GNAL: variants seen among roughly 807,000 people sequenced by gnomAD.
GNAL encodes G protein subunit alpha L.
Under a neutral mutation model 55.1 loss-of-function variants are expected in GNAL, and 18 were observed. The observed-to-expected ratio is 0.33, with a 90% CI of 0.23 to 0.48. The LOEUF is 0.48. GNAL is among the 20% of genes least tolerant of loss of function. GNAL has a pLI of 0.99. For synonymous variants in GNAL, 253 were observed against 237.0 expected (o/e 1.07, Z -0.62); for missense variants, 412 against 614.1 (o/e 0.67, Z 3.48).
chr18:11,857,159 G>A, intron 5 of GNAL: 1 of 152,082 alleles, frequency 6.6e-6, no homozygotes, highest in Non-Finnish European at 1.5e-5. Context: ...GAACACTTAA[G>A]ATCAGGACTG....
chr18:11,791,145 T>C (rs1163845904), intron 4 of GNAL, among the ~76,000 whole-genome samples: 2 of 152,234 alleles, frequency 1.3e-5, no homozygotes, highest in African/African-American at 4.8e-5. Flanking sequence ...TGGTTAAGCA[T>C]GTCCTTTCGG....
At chr18:11,807,458 C>T (rs1269045821) in intron 4 of GNAL, among the ~76,000 whole-genome samples, 6 of 152,196 alleles carry the variant, frequency 3.9e-5, no homozygotes, top group African/African-American at 1.4e-4. Context: ...TCTCAAGGTA[C>T]AGCCAAGAGT....
intron 4 of GNAL, among the ~76,000 whole-genome samples, chr18:11,797,735 G>A (rs976280731): frequency 1.4e-5 from 2 of 147,930 alleles, no homozygotes; most frequent in African/African-American, 4.9e-5. Flanking sequence ...CTCCCCTTTG[G>A]GTGACAGAGA....
chr18:11,789,842 TAGTGTC>T (rs1012056831), intron 4 of GNAL, among the ~76,000 whole-genome samples: 4 of 152,188 alleles, frequency 2.6e-5, no homozygotes, highest in Non-Finnish European at 4.4e-5. Context: ...GCCTTGTTGT[TAGTGTC>T]AGTGTAATAA....
intron 4 of GNAL, among the ~76,000 whole-genome samples, chr18:11,791,169 A>G (rs950073330): frequency 1.3e-5 from 2 of 152,190 alleles, no homozygotes; most frequent in African/African-American, 2.4e-5. Context: ...GGTGGTGGCC[A>G]TGGCTAAATG....
intron 1 of GNAL, among the ~76,000 whole-genome samples, chr18:11,718,280 T>C (rs1490639839): frequency 5.9e-5 from 9 of 152,200 alleles, no homozygotes; most frequent in Admixed American, 1.3e-4. Context: ...TTGTCATTCA[T>C]TTTTCAAGAA....
chr18:11,829,122 G>A (rs2068655125), intron 5 of GNAL, among the ~76,000 whole-genome samples: 2 of 152,204 alleles, frequency 1.3e-5, no homozygotes, highest in South Asian at 4.1e-4. Context: ...TTGTGAGCGA[G>A]GCCCCAGGGC....
At chr18:11,708,183 T>C (rs1015724544) in intron 1 of GNAL, among the ~76,000 whole-genome samples, 14 of 152,358 alleles carry the variant, frequency 9.2e-5, no homozygotes, top group African/African-American at 3.4e-4. Context: ...CTGTCTTGGC[T>C]TTTGACATGC....
chr18:11,812,909 T>A (rs1196978444), intron 4 of GNAL, among the ~76,000 whole-genome samples: 2 of 151,628 alleles, frequency 1.3e-5, no homozygotes, highest in Non-Finnish European at 2.9e-5. Flanking sequence ...TAACAGCAGA[T>A]GTAAAAAATC....
chr18:11,742,461 A>G (rs902754138), intron 1 of GNAL, among the ~76,000 whole-genome samples: 1 of 152,222 alleles, frequency 6.6e-6, no homozygotes, highest in African/African-American at 2.4e-5. Flanking sequence ...ATGCACTGAG[A>G]AGGACAGAGA....
chr18:11,781,254 A>G lies in GNAL; in HGVS notation c.624+27309A>G, dbSNP rs1301723619. ...TCCCCAATTCGTAAATAAAAATTGG[A>G]CTTAGAAACACCTAACCATTAAACT... On this transcript the variant is annotated intron_variant, in intron 4 of 11. Coordinates refer to ENST00000334049, the MANE Select transcript of GNAL (RefSeq NM_182978.4). Among the ~76,000 whole-genome samples, 6 of 152,346 alleles carry G rather than the reference A, an allele frequency of 3.9e-5. No individual in the cohort carries two copies. In the East Asian group the frequency reaches 9.6e-4, roughly 24 times the overall value.
At chr18:11,749,491 G>A (rs1434052180) in intron 1 of GNAL, among the ~76,000 whole-genome samples, 3 of 152,076 alleles carry the variant, frequency 2.0e-5, no homozygotes, top group Admixed American at 1.3e-4. Flanking sequence ...GTTATCTTTC[G>A]CTTTCATGAC....
chr18:11,879,894 CCT>C (rs35269219), intron 11 of GNAL, among the ~76,000 whole-genome samples: 20,833 of 152,226 alleles, frequency 0.14, 2,442 homozygotes, highest in African/African-American at 0.32. Context: ...CTAAACTGCC[CCT>C]GTGTGGAGGC....
rs918962032 is a variant in GNAL, at chr18:11,841,975, AT to A, written c.722+16974del. Among the ~76,000 whole-genome samples, 526 of 145,022 alleles carry A rather than the reference AT, an allele frequency of 3.6e-3. 3 individuals are homozygous for A. Among genetic ancestry groups the A allele is most frequent in the African/African-American group, 8.1e-3 (323 of 39,884 alleles). ...AAACATATGTTATATTTTAGTTCAGATTTTTTTTTTTTTTGAGACGGAGTTT... is the reference window on the plus strand; with the variant it reads ...AAACATATGTTATATTTTAGTTCAGATTTTTTTTTTTTTGAGACGGAGTTT... On this transcript the variant is annotated intron_variant, in intron 5 of 11. Coordinates refer to ENST00000334049, the MANE Select transcript of GNAL (RefSeq NM_182978.4).
intron 3 of GNAL, 25 bp downstream of exon 3, chr18:11,753,707 TTA>T (rs1316733262): frequency 1.3e-6 from 2 of 1,540,080 alleles, no homozygotes; most frequent in African/African-American, 2.7e-5. Context: ...AAATGATTGT[TTA>T]CTAGAAAGGT....
intron 4 of GNAL, among the ~76,000 whole-genome samples, chr18:11,820,779 C>G (rs917216503): frequency 6.6e-6 from 1 of 152,204 alleles, no homozygotes; most frequent in African/African-American, 2.4e-5. Context: ...TAGCTGTATG[C>G]TAGTCCAACA....
In GNAL at chr18:11,864,570, T is replaced by A; in HGVS notation, c.815T>A (p.Phe272Tyr). Residue 272 changes from phenylalanine (F) to tyrosine (Y), a missense_variant, in exon 7 of 12, where the codon TTT (phenylalanine) becomes TAT (tyrosine). By Grantham distance (22) the Phe-to-Tyr change is conservative. Around this residue, in one of 5 missense-constraint regions of GNAL, gnomAD observed 53 missense variants for 182.7 expected, o/e 0.29. Transcript: ENST00000334049. ...TGCAGAGTTCTGACATCTGGGATTT[T>A]TGAGACACGATTCCAAGTGGACAAA... ...LRCRVLTSGIFETRFQVDKVN... is the reference protein window; with the variant it reads ...LRCRVLTSGIYETRFQVDKVN... 1 of 1,593,088 alleles carries A rather than the reference T, an allele frequency of 6.3e-7. No individual in the cohort carries two copies. Among genetic ancestry groups the A allele is most frequent in the Non-Finnish European group, 8.6e-7 (1 of 1,160,862 alleles).
At chr18:11,805,309 A>G (rs1021979804) in intron 4 of GNAL, among the ~76,000 whole-genome samples, 4 of 152,146 alleles carry the variant, frequency 2.6e-5, no homozygotes, top group African/African-American at 9.7e-5. Context: ...TGAATGGAAC[A>G]TGGAGATACT....
intron 4 of GNAL, among the ~76,000 whole-genome samples, chr18:11,755,855 G>A (rs537097884): frequency 1.0e-3 from 155 of 152,104 alleles, no homozygotes; most frequent in Non-Finnish European, 1.9e-3. Context: ...ATGTCCTCCC[G>A]GTTCTCACTG....
Sources: allele counts gnomAD v4.1 joint callset (sites outside exome capture counted in the v4.1 genomes callset), GRCh38; gene constraint gnomAD v4.1.1; regional missense constraint gnomAD v4.1.1; transcripts MANE v1.5; gene names NCBI Gene and HGNC (gene_info 2026-07-23, HGNC 2026-07-21).